The following CA10 variants were observed in gnomAD, a reference collection of about 807,000 sequenced individuals.
CA10 encodes carbonic anhydrase-related protein 10.
In CA10, 14 loss-of-function variants were observed where a neutral mutation model predicts 44.2. The observed-to-expected ratio is 0.32, with a 90% CI of 0.21 to 0.50. CA10 has a LOEUF of 0.50. Among genes scored for constraint, CA10 ranks in the 20% least tolerant of loss-of-function variants. CA10 has a pLI of 0.99. For synonymous variants in CA10, 159 were observed against 141.6 expected (o/e 1.12, Z -0.87); for missense variants, 350 against 409.7 (o/e 0.85, Z 1.26).
In CA10 at chr17:52,158,635, T is replaced by C. The variant is rs1012897318; in HGVS notation, c.-849A>G. 1 of 152,894 alleles carries C rather than the reference T, an allele frequency of 6.5e-6. No homozygotes were observed. Among genetic ancestry groups the C allele is most frequent in the African/African-American group, 2.4e-5 (1 of 41,582 alleles). The allele number at this position is 152,894 out of a possible 1,614,324, so 9.5% of individuals were successfully genotyped here. A position where few individuals can be genotyped will look rare whatever the true frequency, so the allele number is the denominator to read the frequency against. The stretch of plus-strand genomic sequence containing the variant: ...GCGCCCTTCCTGCTCCTCTGCTATT[T>C]TCCTGAACTCCCCAGAACCCCCAGT... On this transcript the variant is annotated 5_prime_UTR_variant, in exon 1 of 9. Coordinates refer to ENST00000451037, the MANE Select transcript of CA10 (RefSeq NM_020178.5).
intron 3 of CA10, 61 bp downstream of exon 3, chr17:51,930,929 G>T (rs1464515312): frequency 2.5e-6 from 4 of 1,590,390 alleles, no homozygotes; most frequent in Non-Finnish European, 3.4e-6. Flanking sequence ...TTGAGGATTA[G>T]CTTTCAGAAT....
At chr17:51,772,301 T>G (rs1276512052) in intron 3 of CA10, among the ~76,000 whole-genome samples, 1 of 152,216 alleles carries the variant, frequency 6.6e-6, no homozygotes, top group Non-Finnish European at 1.5e-5. Flanking sequence ...CTGCTGATAC[T>G]ATGATGCACA....
chr17:52,082,787 A>C lies in CA10; in HGVS notation c.62-10394T>G, dbSNP rs112929406. Among the ~76,000 whole-genome samples the C allele has an allele frequency of 3.1e-3, 467 of 152,368 alleles. 1 individual carries two copies. The Middle Eastern group carries it at 0.041, about 13-fold the overall frequency. Reference sequence around the variant, plus strand: ...TAATTTTGACTTCTGACAAATAGGCAACTTAAGAAGCATCATTAGTCTAAT... The same window carrying C: ...TAATTTTGACTTCTGACAAATAGGCCACTTAAGAAGCATCATTAGTCTAAT... On this transcript the variant is annotated intron_variant, in intron 1 of 8. Coordinates refer to ENST00000451037, the MANE Select transcript of CA10 (RefSeq NM_020178.5).
chr17:51,966,205 A>G (rs1207255060), intron 2 of CA10, among the ~76,000 whole-genome samples: 2 of 151,976 alleles, frequency 1.3e-5, no homozygotes, highest in Non-Finnish European at 2.9e-5. Flanking sequence ...GCTCAATGAA[A>G]TCACAGATGA....
chr17:51,748,017 A>G (rs1283271203), intron 3 of CA10, among the ~76,000 whole-genome samples, 199 bp from the exon 4 acceptor site: 1 of 152,204 alleles, frequency 6.6e-6, no homozygotes, highest in African/African-American at 2.4e-5. Context: ...CATAAACCAC[A>G]TGATGGCTTA....
chr17:51,887,848 A>G, intron 3 of CA10, among the ~76,000 whole-genome samples: 1 of 151,384 alleles, frequency 6.6e-6, no homozygotes, highest in South Asian at 2.1e-4. Context: ...AAATACAAAA[A>G]AAAAAAGAAA....
chr17:51,786,111 A>G (rs912093190), intron 3 of CA10, among the ~76,000 whole-genome samples: 5 of 151,674 alleles, frequency 3.3e-5, no homozygotes, highest in Non-Finnish European at 7.4e-5. Flanking sequence ...TCTTTTTCAG[A>G]TTGTTCATTG....
At chr17:52,020,373 C>A (rs1986099589) in intron 2 of CA10, among the ~76,000 whole-genome samples, 1 of 151,886 alleles carries the variant, frequency 6.6e-6, no homozygotes, top group South Asian at 2.1e-4. Flanking sequence ...TTAGTAGCAT[C>A]ATATTTTAAT....
chr17:51,862,668 A>G (rs1276961702), intron 3 of CA10, among the ~76,000 whole-genome samples: 1 of 152,192 alleles, frequency 6.6e-6, no homozygotes, highest in Admixed American at 6.5e-5. Flanking sequence ...ATTTCTGTAC[A>G]GTTATGGAGT....
intron 3 of CA10, among the ~76,000 whole-genome samples, chr17:51,805,921 G>A (rs1280501196): frequency 6.6e-6 from 1 of 152,222 alleles, no homozygotes; most frequent in Non-Finnish European, 1.5e-5. Flanking sequence ...AGATCTGAAG[G>A]ATGAGAACAA....
chr17:52,075,900 TG>T (rs1987805847), intron 1 of CA10, among the ~76,000 whole-genome samples: 1 of 152,218 alleles, frequency 6.6e-6, no homozygotes, highest in South Asian at 2.1e-4. Flanking sequence ...GGAATACATT[TG>T]CCACCCCATT....
At chr17:51,824,114 A>G (rs756064300) in intron 3 of CA10, among the ~76,000 whole-genome samples, 20 of 152,258 alleles carry the variant, frequency 1.3e-4, no homozygotes, top group Non-Finnish European at 2.2e-4. Flanking sequence ...CTATGCCTCA[A>G]TAACATAATA....
At chr17:52,049,583 T>C (rs1031375749) in intron 2 of CA10, among the ~76,000 whole-genome samples, 1 of 152,068 alleles carries the variant, frequency 6.6e-6, no homozygotes, top group African/African-American at 2.4e-5. Flanking sequence ...TCCTAAAGCG[T>C]TGTCTTTTCT....
At chr17:52,102,470 GAACTT>G (rs1362462861) in intron 1 of CA10, among the ~76,000 whole-genome samples, 2 of 152,162 alleles carry the variant, frequency 1.3e-5, no homozygotes, top group South Asian at 2.1e-4. Context: ...ACCACAAGTG[GAACTT>G]AACTTGAGCT....
intron 3 of CA10, among the ~76,000 whole-genome samples, chr17:51,890,991 G>A (rs894633783): frequency 1.3e-5 from 2 of 152,116 alleles, no homozygotes; most frequent in Admixed American, 6.5e-5. Flanking sequence ...TTATAAGTAG[G>A]TCAACAATAG....
intron 4 of CA10, among the ~76,000 whole-genome samples, chr17:51,734,385 T>A (rs892107647): frequency 8.5e-5 from 13 of 152,126 alleles, no homozygotes; most frequent in Admixed American, 2.0e-4. Context: ...TCTAGAGAGA[T>A]TAAGTGGCTT....
chr17:52,064,175 C>T (rs1194799791), intron 2 of CA10, among the ~76,000 whole-genome samples: 1 of 152,138 alleles, frequency 6.6e-6, no homozygotes, highest in African/African-American at 2.4e-5. Context: ...AGACAAGGGT[C>T]TCAGCCCTAC....
chr17:51,711,504 A>G (rs1269573388), intron 4 of CA10, among the ~76,000 whole-genome samples: 1 of 152,182 alleles, frequency 6.6e-6, no homozygotes, highest in Non-Finnish European at 1.5e-5. Context: ...TTTTTCAGAC[A>G]CTAAAAATTT....
chr17:52,136,947 A>G (rs1018323452), intron 1 of CA10, among the ~76,000 whole-genome samples: 6 of 152,214 alleles, frequency 3.9e-5, no homozygotes, highest in African/African-American at 1.4e-4. Context: ...ATCTTTTACT[A>G]AATGAACTGG....
Sources: gnomAD v4.1 joint callset for allele counts (sites outside exome capture counted in the v4.1 genomes callset) on GRCh38, gnomAD v4.1.1 for gene constraint, MANE v1.5 for transcripts, NCBI Gene and HGNC (gene_info 2026-07-23, HGNC 2026-07-21) for gene names.